The following IGSF21 variants were observed in gnomAD, a reference collection of about 807,000 sequenced individuals.
IGSF21 encodes immunoglobulin superfamily member 21.
Under a neutral mutation model 46.8 loss-of-function variants are expected in IGSF21, and 28 were observed. The ratio of observed to expected loss-of-function variants is 0.60; its 90% confidence interval spans 0.44 to 0.82. The LOEUF (loss-of-function observed/expected upper bound fraction) is 0.82, where lower values mean the gene tolerates loss of function less well. IGSF21 is among the 40% of genes least tolerant of loss of function. The pLI, the probability that IGSF21 is intolerant of heterozygous loss-of-function variation, is 0.00. For synonymous variants in IGSF21, 284 were observed against 273.6 expected, an observed-to-expected ratio of 1.04 and a Z score of -0.38; for missense variants, 624 against 665.5, an observed-to-expected ratio of 0.94 and a Z score of 0.69.
At chr1:18,378,142 C>T (rs2086304423) in intron 9 of IGSF21, 114 bp from the exon 10 acceptor site, 2 of 820,594 alleles carry the variant, frequency 2.4e-6, no homozygotes, top group Admixed American at 4.6e-5. Flanking sequence ...GGCTTCGAAC[C>T]CAGTTTGTCC....
intron 1 of IGSF21, among the ~76,000 whole-genome samples, chr1:18,165,038 T>C (rs1286905427): frequency 6.6e-6 from 1 of 151,954 alleles, no homozygotes; most frequent in Non-Finnish European, 1.5e-5. Flanking sequence ...TCCAGCTGCA[T>C]CCATGTCCCT....
chr1:18,236,879 C>T (rs1343614014), intron 2 of IGSF21, among the ~76,000 whole-genome samples: 1 of 152,178 alleles, frequency 6.6e-6, no homozygotes. Context: ...CACTGGGGAC[C>T]TGGGCAAGGG....
chr1:18,110,972 G>C (rs893347032), intron 1 of IGSF21: 5 of 152,356 alleles, frequency 3.3e-5, no homozygotes, highest in Admixed American at 3.3e-4. Flanking sequence ...GGAGGTGGGC[G>C]GCCCTGCGGG....
chr1:18,302,262 G>C (rs2085369826), intron 3 of IGSF21, among the ~76,000 whole-genome samples: 1 of 152,164 alleles, frequency 6.6e-6, no homozygotes, highest in Non-Finnish European at 1.5e-5. Flanking sequence ...GCTGTGCCCA[G>C]GGAGCGCCCC....
At chr1:18,372,642 A>ATGGATGGATGGATGGC (rs2086237548) in intron 6 of IGSF21, among the ~76,000 whole-genome samples, 1 of 150,802 alleles carries the variant, frequency 6.6e-6, no homozygotes, top group Non-Finnish European at 1.5e-5. Flanking sequence ...AGATGGATGG[A>ATGGATGGATGGATGGC]TGGATGGATG....
At chr1:18,271,798 G>A (rs1358303947) in intron 2 of IGSF21, among the ~76,000 whole-genome samples, 2 of 152,194 alleles carry the variant, frequency 1.3e-5, no homozygotes, top group Non-Finnish European at 2.9e-5. Context: ...GCTGTGGAAG[G>A]TGTCAAGGAG....
At chr1:18,167,601 G>A (rs956007924) in intron 1 of IGSF21, 18 of 152,204 alleles carry the variant, frequency 1.2e-4, no homozygotes, top group Non-Finnish European at 2.5e-4. Flanking sequence ...ACCGTGAGTG[G>A]ATTAGGCTGA....
intron 3 of IGSF21, among the ~76,000 whole-genome samples, chr1:18,325,871 C>T (rs1352852474): frequency 2.6e-5 from 4 of 152,166 alleles, no homozygotes; most frequent in East Asian, 1.9e-4. Flanking sequence ...AGCAAGATGC[C>T]GTGAGGGCAG....
rs537860270 is a variant in IGSF21, at chr1:18,148,931, A to C, written c.70+40733A>C. ...CTGCACACACAAGTTAGTGTCTTAT[A>C]CTCATTAAAAAAGCCGGAGCATAAA... On this transcript the variant is annotated intron_variant, in intron 1 of 9. Coordinates refer to ENST00000251296, the MANE Select transcript of IGSF21 (RefSeq NM_032880.5). Among the ~76,000 whole-genome samples, 23 of 152,320 alleles carry C rather than the reference A, an allele frequency of 1.5e-4. No homozygotes were observed. The East Asian group carries it at 4.4e-3, about 29-fold the overall frequency.
chr1:18,277,483 C>T (rs2085113367), intron 2 of IGSF21, among the ~76,000 whole-genome samples: 1 of 152,140 alleles, frequency 6.6e-6, no homozygotes, highest in Admixed American at 6.5e-5. Flanking sequence ...GCTCAGGGAA[C>T]CCTTGTTGGA....
chr1:18,220,352 C>G lies in IGSF21; in HGVS notation c.71-7546C>G, dbSNP rs548814427. 3.9e-5 allele frequency among the ~76,000 whole-genome samples: 6 copies of G among 152,178 alleles called. No homozygotes were observed. The East Asian group carries it at 1.2e-3, about 30-fold the overall frequency. ...AAGCTGGCAGCAGCACCAATCCAAG[C>G]AGATGTGGTCAGAGAAGCAGGTTCA... On this transcript the variant is annotated intron_variant, in intron 1 of 9. Coordinates refer to ENST00000251296, the MANE Select transcript of IGSF21 (RefSeq NM_032880.5).
intron 1 of IGSF21, among the ~76,000 whole-genome samples, chr1:18,174,757 G>A (rs1055397471): frequency 1.3e-5 from 2 of 152,304 alleles, no homozygotes; most frequent in East Asian, 1.9e-4. Context: ...CTTGAGCCCC[G>A]TTGCCCACTG....
intron 3 of IGSF21, among the ~76,000 whole-genome samples, chr1:18,305,908 C>A (rs776036612): frequency 6.6e-6 from 1 of 152,160 alleles, no homozygotes. Context: ...GTCACATATC[C>A]CAGTAGCGAT....
intron 1 of IGSF21, among the ~76,000 whole-genome samples, chr1:18,147,260 C>G (rs1217830846): frequency 6.6e-6 from 1 of 152,198 alleles, no homozygotes; most frequent in Non-Finnish European, 1.5e-5. Flanking sequence ...AATCCCATGC[C>G]TTACTCTCCT....
At chr1:18,227,437 T>A (rs1308934981) in intron 1 of IGSF21, among the ~76,000 whole-genome samples, 2 of 151,900 alleles carry the variant, frequency 1.3e-5, no homozygotes, top group African/African-American at 4.8e-5. Context: ...AAATGCCAAG[T>A]AAATACATTT....
intron 4 of IGSF21, among the ~76,000 whole-genome samples, chr1:18,354,869 ATCCTT>A (rs2085998578): frequency 1.2e-5 from 1 of 80,878 alleles, no homozygotes; most frequent in Non-Finnish European, 2.7e-5. Flanking sequence ...GCACTTTGCT[ATCCTT>A]ACAGAAGGTT....
At chr1:18,129,588 G>A (rs2124415266) in intron 1 of IGSF21, among the ~76,000 whole-genome samples, 1 of 152,314 alleles carries the variant, frequency 6.6e-6, no homozygotes, top group South Asian at 2.1e-4. Flanking sequence ...GTGGGTGGAG[G>A]CATACAGGCC....
chr1:18,217,150 G>C (rs969094001), intron 1 of IGSF21, among the ~76,000 whole-genome samples: 4 of 152,138 alleles, frequency 2.6e-5, no homozygotes, highest in African/African-American at 9.7e-5. Flanking sequence ...CCCAGGTCAA[G>C]TTGTGGTGTG....
chr1:18,117,858 A>T (rs997596993), intron 1 of IGSF21, among the ~76,000 whole-genome samples: 2 of 152,196 alleles, frequency 1.3e-5, no homozygotes, highest in Non-Finnish European at 2.9e-5. Flanking sequence ...CATTTTACAG[A>T]CAAGAAAACT....
Sources: gnomAD v4.1 joint callset for allele counts (sites outside exome capture counted in the v4.1 genomes callset) on GRCh38, gnomAD v4.1.1 for gene constraint, MANE v1.5 for transcripts, NCBI Gene and HGNC (gene_info 2026-07-23, HGNC 2026-07-21) for gene names.